Variants in ELMO1 observed in about 807,000 individuals in gnomAD.
ELMO1 encodes engulfment and cell motility 1, also known as engulfment and cell motility protein 1.
In ELMO1, 26 loss-of-function variants were observed where a neutral mutation model predicts 98.9. The observed-to-expected ratio is 0.26, with a 90% CI of 0.19 to 0.36. ELMO1 has a LOEUF of 0.36. Ranked by LOEUF, ELMO1 falls within the 10% of genes least tolerant of loss-of-function variation. The pLI is 1.00. For synonymous variants in ELMO1, 346 were observed against 346.0 expected (o/e 1.00, Z 0.00); for missense variants, 627 against 935.2 (o/e 0.67, Z 4.30).
chr7:36,962,520 GAAGGT>G (rs1273645811), intron 16 of ELMO1, among the ~76,000 whole-genome samples: 1 of 152,174 alleles, frequency 6.6e-6, no homozygotes, highest in Non-Finnish European at 1.5e-5. Flanking sequence ...GATGTGGGAA[GAAGGT>G]AAGCATGAGA....
intron 1 of ELMO1, among the ~76,000 whole-genome samples, chr7:37,443,361 T>A (rs1222577215): frequency 2.0e-5 from 3 of 152,222 alleles, no homozygotes; most frequent in Non-Finnish European, 4.4e-5. Flanking sequence ...TCTGTTCAGA[T>A]TCTGGAAATC....
chr7:36,986,004 C>A lies in ELMO1; in HGVS notation c.1437+27295G>T, dbSNP rs529658562. On this transcript the variant is annotated intron_variant, in intron 16 of 21. Coordinates refer to ENST00000310758, the MANE Select transcript of ELMO1 (RefSeq NM_014800.11). The stretch of plus-strand genomic sequence containing the variant: ...ACCACAAAGCGACTTAGAGTCGTCC[C>A]CCTGAAGAACAATGTGCTGGAATAC... 3 of 1,002,516 alleles carry A rather than the reference C, an allele frequency of 3.0e-6. No individual in the cohort carries two copies. In the African/African-American group the frequency reaches 5.2e-5, roughly 17 times the overall value. The allele number at this position is 1,002,516 out of a possible 1,614,324, so 62.1% of individuals were successfully genotyped here. A position where few individuals can be genotyped will look rare whatever the true frequency, so the allele number is the denominator to read the frequency against.
At chr7:37,222,539 T>G in intron 10 of ELMO1, 76 bp downstream of exon 10, 1 of 1,414,378 alleles carries the variant, frequency 7.1e-7, no homozygotes, top group African/African-American at 1.4e-5. Context: ...AGTCCCCGAA[T>G]AGAAGGAGAG....
chr7:36,859,926 CCT>C (rs572747439), intron 21 of ELMO1, among the ~76,000 whole-genome samples: 285 of 152,230 alleles, frequency 1.9e-3, no homozygotes, highest in African/African-American at 6.6e-3. Context: ...CTCTGCCACC[CCT>C]GAGACCTCAA....
intron 1 of ELMO1, among the ~76,000 whole-genome samples, chr7:37,355,222 A>T (rs1190654627): frequency 6.6e-6 from 1 of 152,196 alleles, no homozygotes; most frequent in Non-Finnish European, 1.5e-5. Context: ...ATTACACAAC[A>T]TGTGACCCTC....
intron 15 of ELMO1, among the ~76,000 whole-genome samples, chr7:37,056,997 C>A (rs1377067302): frequency 1.3e-5 from 2 of 152,024 alleles, no homozygotes; most frequent in Admixed American, 1.3e-4. Flanking sequence ...ATGTCCAACA[C>A]AAGATAAGTA....
At chr7:37,076,597 A>G (rs945926745) in intron 15 of ELMO1, among the ~76,000 whole-genome samples, 6 of 152,232 alleles carry the variant, frequency 3.9e-5, no homozygotes, top group Non-Finnish European at 8.8e-5. Flanking sequence ...ATAGTTCAGT[A>G]AGTGTTATTG....
At chr7:36,872,971 A>G (rs959828410) in intron 19 of ELMO1, among the ~76,000 whole-genome samples, 1 of 152,156 alleles carries the variant, frequency 6.6e-6, no homozygotes, top group African/African-American at 2.4e-5. Flanking sequence ...CAAGAGTAAT[A>G]CCATAGTCTG....
intron 6 of ELMO1, 64 bp from the exon 7 acceptor site, chr7:37,244,455 A>T: frequency 1.3e-6 from 2 of 1,545,004 alleles, no homozygotes; most frequent in Non-Finnish European, 1.8e-6. Flanking sequence ...TACACAAAGA[A>T]CATATCTTGA....
At chr7:36,863,404 A>T (rs1802786517) in intron 20 of ELMO1, among the ~76,000 whole-genome samples, 1 of 152,248 alleles carries the variant, frequency 6.6e-6, no homozygotes, top group Non-Finnish European at 1.5e-5. Flanking sequence ...AAATAGTCAC[A>T]GACTTACTAT....
At chr7:36,939,121 C>A (rs1786796053) in intron 16 of ELMO1, among the ~76,000 whole-genome samples, 1 of 151,732 alleles carries the variant, frequency 6.6e-6, no homozygotes, top group Admixed American at 6.6e-5. Flanking sequence ...AGAGACTAAC[C>A]CCTAAAGTAC....
chr7:37,403,265 G>T (rs1263162501), intron 1 of ELMO1, among the ~76,000 whole-genome samples: 1 of 152,114 alleles, frequency 6.6e-6, no homozygotes, highest in African/African-American at 2.4e-5. Context: ...ACAGTCAACA[G>T]TTCAGTGGTT....
At chr7:37,246,903 G>T (rs983124066) in intron 6 of ELMO1, among the ~76,000 whole-genome samples, 3 of 147,432 alleles carry the variant, frequency 2.0e-5, no homozygotes, top group East Asian at 1.9e-4. Context: ...TATATCTCCT[G>T]TCTGGCAGTG....
chr7:37,410,490 A>G (rs945766521), intron 1 of ELMO1, among the ~76,000 whole-genome samples: 4 of 152,174 alleles, frequency 2.6e-5, no homozygotes, highest in Admixed American at 2.6e-4. Flanking sequence ...GCAGGGACAG[A>G]GGGCCAGATG....
At chr7:37,250,240 T>A (rs34410930) in intron 6 of ELMO1, among the ~76,000 whole-genome samples, 2,480 of 152,240 alleles carry the variant, frequency 0.016, 31 homozygotes, top group Middle Eastern at 0.027. Flanking sequence ...AATGAAACAG[T>A]ACGCATGCAA....
intron 18 of ELMO1, among the ~76,000 whole-genome samples, chr7:36,885,545 C>T (rs1804902736): frequency 6.6e-6 from 1 of 152,150 alleles, no homozygotes; most frequent in African/African-American, 2.4e-5. Context: ...TTCCCATCCC[C>T]AAAACTTCTG....
intron 15 of ELMO1, among the ~76,000 whole-genome samples, chr7:37,070,128 A>C (rs987406853): frequency 1.3e-5 from 2 of 152,210 alleles, no homozygotes; most frequent in Non-Finnish European, 2.9e-5. Context: ...GACACAGAAG[A>C]TATTTCTCTA....
At chr7:36,968,978 A>G (rs1789682516) in intron 16 of ELMO1, among the ~76,000 whole-genome samples, 1 of 152,094 alleles carries the variant, frequency 6.6e-6, no homozygotes, top group Non-Finnish European at 1.5e-5. Flanking sequence ...AATCTTTAGT[A>G]GTAGTTTAGA....
chr7:36,909,137 T>A (rs1784168324), intron 16 of ELMO1, among the ~76,000 whole-genome samples: 1 of 152,244 alleles, frequency 6.6e-6, no homozygotes, highest in African/African-American at 2.4e-5. Flanking sequence ...GAATGAAAGA[T>A]GTTTTTAACT....
Sources: allele counts gnomAD v4.1 joint callset (sites outside exome capture counted in the v4.1 genomes callset), GRCh38; gene constraint gnomAD v4.1.1; transcripts MANE v1.5; gene names NCBI Gene and HGNC (gene_info 2026-07-23, HGNC 2026-07-21).